Variants in STPG2 observed in about 807,000 individuals in gnomAD.
STPG2 encodes the protein sperm-tail PG-rich repeat-containing protein 2.
A neutral mutation model predicts 54.2 loss-of-function variants in STPG2; 56 were observed. That is an observed-to-expected ratio of 1.03 (90% CI 0.83 to 1.29). The LOEUF (loss-of-function observed/expected upper bound fraction) is 1.29, where lower values mean the gene tolerates loss of function less well. Ranked by LOEUF, STPG2 falls within the 50% of genes most tolerant of loss-of-function variation. The probability of loss-of-function intolerance (pLI) is 0.00; values close to 1 mark genes in which losing one functional copy is unlikely to be tolerated. For synonymous variants in STPG2, 200 were observed against 181.8 expected, an observed-to-expected ratio of 1.10 and a Z score of -0.81; for missense variants, 596 against 544.9, an observed-to-expected ratio of 1.09 and a Z score of -0.93.
intron 6 of STPG2, among the ~76,000 whole-genome samples, chr4:97,979,968 C>T (rs1734619385): frequency 6.6e-6 from 1 of 152,000 alleles, no homozygotes; most frequent in Non-Finnish European, 1.5e-5. Flanking sequence ...CATGATCCAC[C>T]CGCCTCAGCC....
At chr4:97,770,168 G>A (rs993415993) in intron 9 of STPG2, among the ~76,000 whole-genome samples, 5 of 152,114 alleles carry the variant, frequency 3.3e-5, no homozygotes, top group African/African-American at 1.2e-4. Flanking sequence ...CTGAGATCAC[G>A]CCACTGGACT....
intron 10 of STPG2, among the ~76,000 whole-genome samples, chr4:97,632,759 T>C (rs1432325830): frequency 6.6e-6 from 1 of 152,140 alleles, no homozygotes; most frequent in East Asian, 1.9e-4. Flanking sequence ...GGAAGGGAAG[T>C]GGAAATAGAA....
At chr4:97,559,675 T>C (rs1732173537) in intron 10 of STPG2, among the ~76,000 whole-genome samples, 1 of 152,222 alleles carries the variant, frequency 6.6e-6, no homozygotes, top group African/African-American at 2.4e-5. Flanking sequence ...TTAGTTATTT[T>C]GCACTGATTA....
intron 9 of STPG2, among the ~76,000 whole-genome samples, chr4:97,837,458 C>T (rs756628803): frequency 6.6e-6 from 1 of 151,728 alleles, no homozygotes; most frequent in Non-Finnish European, 1.5e-5. Flanking sequence ...TAAAGTGATG[C>T]TTAAATACTT....
At chr4:98,004,223 CGTAA>C (rs1476754120) in intron 5 of STPG2, among the ~76,000 whole-genome samples, 2 of 152,140 alleles carry the variant, frequency 1.3e-5, no homozygotes, top group African/African-American at 4.8e-5. Context: ...TAATATTTCA[CGTAA>C]GTGAGATCAT....
chr4:97,567,636 C>T (rs530328463), intron 10 of STPG2, among the ~76,000 whole-genome samples: 2 of 151,860 alleles, frequency 1.3e-5, no homozygotes, highest in South Asian at 2.1e-4. Context: ...GCTGGATTTA[C>T]ACATTGAAGT....
intron 9 of STPG2, among the ~76,000 whole-genome samples, chr4:97,754,832 A>T (rs145777200): frequency 2.6e-4 from 39 of 152,202 alleles, no homozygotes; most frequent in African/African-American, 8.9e-4. Context: ...CACATACCTC[A>T]TATTCACAGT....
chr4:97,991,870 T>C (rs2149269837), intron 5 of STPG2, among the ~76,000 whole-genome samples: 1 of 152,300 alleles, frequency 6.6e-6, no homozygotes, highest in African/African-American at 2.4e-5. Flanking sequence ...TGTTCAGCAT[T>C]TTTTCATATG....
At chr4:98,017,443 C>A (rs998465430) in intron 5 of STPG2, among the ~76,000 whole-genome samples, 1 of 152,160 alleles carries the variant, frequency 6.6e-6, no homozygotes, top group African/African-American at 2.4e-5. Flanking sequence ...GGTGACATGA[C>A]TATGAGGCAA....
intron 5 of STPG2, among the ~76,000 whole-genome samples, chr4:98,004,637 C>A (rs1204748921): frequency 6.6e-6 from 1 of 152,110 alleles, no homozygotes; most frequent in Non-Finnish European, 1.5e-5. Context: ...TTTCAACATC[C>A]TTCCCAACAC....
At chr4:97,450,945 T>A (rs1729350757) in intron 4 of STPG2, among the ~76,000 whole-genome samples, 1 of 152,172 alleles carries the variant, frequency 6.6e-6, no homozygotes, top group South Asian at 2.1e-4. Flanking sequence ...TTTATTTACA[T>A]ATATTTTTAA....
At chr4:98,033,819 T>C (rs1736681438) in intron 5 of STPG2, among the ~76,000 whole-genome samples, 1 of 152,222 alleles carries the variant, frequency 6.6e-6, no homozygotes, top group East Asian at 1.9e-4. Context: ...ATAAATGTAA[T>C]CCATCACATA....
intron 9 of STPG2, among the ~76,000 whole-genome samples, chr4:97,768,617 A>C (rs547206444): frequency 6.6e-6 from 1 of 152,314 alleles, no homozygotes; most frequent in Admixed American, 6.5e-5. Flanking sequence ...TGGCCCTCTG[A>C]TGTCAAAAGG....
intron 7 of STPG2, among the ~76,000 whole-genome samples, chr4:97,966,380 G>A (rs530690195): frequency 1.1e-4 from 17 of 152,178 alleles, no homozygotes; most frequent in African/African-American, 4.1e-4. Flanking sequence ...TATGTGAAAA[G>A]AATAAATCTA....
intron 5 of STPG2, among the ~76,000 whole-genome samples, chr4:98,104,138 ACAAT>A (rs1348754619): frequency 6.6e-6 from 1 of 152,138 alleles, no homozygotes; most frequent in Non-Finnish European, 1.5e-5. Flanking sequence ...GCAAACATGC[ACAAT>A]CAGTGTCAGC....
chr4:98,119,489 A>C (rs1481828701), intron 3 of STPG2, among the ~76,000 whole-genome samples: 1 of 152,184 alleles, frequency 6.6e-6, no homozygotes, highest in East Asian at 1.9e-4. Flanking sequence ...CTGAACTCTG[A>C]ATCAAAAATC....
intron 7 of STPG2, among the ~76,000 whole-genome samples, chr4:97,960,381 T>C (rs1434707931): frequency 1.3e-5 from 2 of 152,148 alleles, no homozygotes; most frequent in Non-Finnish European, 2.9e-5. Flanking sequence ...ATAAAGGGCA[T>C]GCAAATTGGT....
At chr4:97,563,201 T>A (rs1415909724) in intron 10 of STPG2, among the ~76,000 whole-genome samples, 2 of 152,222 alleles carry the variant, frequency 1.3e-5, no homozygotes, top group Non-Finnish European at 2.9e-5. Context: ...ATTTATCCAT[T>A]TCTTCTAGAT....
intron 10 of STPG2, among the ~76,000 whole-genome samples, chr4:97,594,927 G>A (rs979164804): frequency 8.5e-5 from 13 of 152,206 alleles, no homozygotes; most frequent in East Asian, 7.7e-4. Context: ...TTAGAATGGC[G>A]ATCATTAAAA....
Sources: gnomAD v4.1 joint callset for allele counts (sites outside exome capture counted in the v4.1 genomes callset) on GRCh38, gnomAD v4.1.1 for gene constraint, MANE v1.5 for transcripts, NCBI Gene and HGNC (gene_info 2026-07-23, HGNC 2026-07-21) for gene names.